Variants in PPP2R1A observed in about 807,000 individuals in gnomAD.
PPP2R1A encodes the protein serine/threonine-protein phosphatase 2A 65 kDa regulatory subunit A alpha isoform.
Under a neutral mutation model 67.1 loss-of-function variants are expected in PPP2R1A, and 15 were observed. The observed-to-expected ratio is 0.22, with a 90% CI of 0.15 to 0.34. PPP2R1A has a LOEUF of 0.34. Ranked by LOEUF, PPP2R1A falls within the 10% of genes least tolerant of loss-of-function variation. PPP2R1A has a pLI of 1.00. For missense variants in PPP2R1A, 369 were observed against 775.0 expected (o/e 0.48, Z 6.22); for synonymous variants, 337 against 325.0 (o/e 1.04, Z -0.40).
At position 52,212,691 on chromosome 19, in the gene PPP2R1A, TC is replaced by T; in HGVS notation, c.511del (p.Arg171GlyfsTer59). ...SAVKAELRQY[F>X]RNLCSDDTPM... is the part of the protein sequence containing the mutation. ...TCCCCGTCCCCGACTCCCAGGTACTTCCGGAACCTGTGCTCAGATGACACCC... is the reference window on the plus strand; with the variant it reads ...TCCCCGTCCCCGACTCCCAGGTACTTCGGAACCTGTGCTCAGATGACACCC... On this transcript the variant is annotated frameshift_variant, in exon 5 of 15. Coordinates refer to ENST00000322088, the MANE Select transcript of PPP2R1A (RefSeq NM_014225.6). LOFTEE classifies it high-confidence loss of function. This position sits in a 1 kb window ranked among gnomAD's most constrained non-coding sequence, Gnocchi z 4.1. 1 of 1,613,430 alleles carries T rather than the reference TC, an allele frequency of 6.2e-7. No individual in the cohort carries two copies.
chr19:52,225,476 ATCT>A (rs1413205531), intron 13 of PPP2R1A, among the ~76,000 whole-genome samples: 3 of 152,162 alleles, frequency 2.0e-5, no homozygotes, highest in East Asian at 3.8e-4. Context: ...AACATTCAAA[ATCT>A]TCTCTTATAG....
intron 1 of PPP2R1A, among the ~76,000 whole-genome samples, chr19:52,196,491 T>G (rs1422624459): frequency 1.3e-5 from 2 of 152,156 alleles, no homozygotes; most frequent in African/African-American, 4.8e-5. Context: ...AGAGGCCAGC[T>G]TAGGACACAG....
chr19:52,204,920 G>A (rs1250439837), intron 2 of PPP2R1A, among the ~76,000 whole-genome samples: 1 of 152,216 alleles, frequency 6.6e-6, no homozygotes, highest in Non-Finnish European at 1.5e-5. Context: ...TCAGAGAGAT[G>A]AAGTGAGCTG....
rs2122267600 is a variant in PPP2R1A, at chr19:52,190,109, G to A, written c.13G>A (p.Asp5Asn). MAAA[D>N]GDDSLYPIAV... is the part of the protein sequence containing the mutation. ...GGACGGAGCCAAGATGGCGGCGGCC[G>A]ACGGCGACGACTCGCTGTACCCCAT... The change falls in exon 1 of 15, where the codon GAC becomes AAC. Residue 5 changes from aspartate (D) to asparagine (N), a missense_variant. Coordinates refer to ENST00000322088, the MANE Select transcript of PPP2R1A (RefSeq NM_014225.6). The A allele has an allele frequency of 6.5e-7, 1 of 1,549,720 alleles. No homozygotes were observed. The highest frequency in any genetic ancestry group is 1.2e-5 in the South Asian group (1 of 84,018).
chr19:52,214,258 T>A (rs1288827573), intron 6 of PPP2R1A, among the ~76,000 whole-genome samples: 3 of 151,716 alleles, frequency 2.0e-5, no homozygotes, highest in African/African-American at 7.3e-5. Context: ...CAGGGTGGGA[T>A]CGGAGAGAGG....
At position 52,227,649 on chromosome 19, in the gene PPP2R1A, C is replaced by A. The variant is rs935256520; in HGVS notation, c.*1668C>A. ...GACAAGGTGATTTCACCAGCTCAGCCTTCATATTACCACATCCCTACCCTT... is the reference window on the plus strand; with the variant it reads ...GACAAGGTGATTTCACCAGCTCAGCATTCATATTACCACATCCCTACCCTT... On this transcript the variant is annotated 3_prime_UTR_variant, in exon 15 of 15. Transcript: ENST00000322088. The A allele has an allele frequency of 6.6e-6, 1 of 152,130 alleles. No homozygotes were observed. The highest frequency in any genetic ancestry group is 2.4e-5 in the African/African-American group (1 of 41,398). 9.4% of individuals were successfully genotyped at this position (152,130 alleles called of 1,614,324 possible).
chr19:52,200,822 C>T (rs929587091), intron 1 of PPP2R1A, among the ~76,000 whole-genome samples: 11 of 152,262 alleles, frequency 7.2e-5, no homozygotes, highest in African/African-American at 2.7e-4. Flanking sequence ...CTGTATCTGT[C>T]TTCCTTTCTG....
Position 52,211,995 on chromosome 19 carries a change from C to G in PPP2R1A, c.503+503C>G, listed in dbSNP as rs1250956790. Among the ~76,000 whole-genome samples the G allele has an allele frequency of 6.6e-6, 1 of 152,324 alleles. No individual in the cohort carries two copies. ...GGCTGTACACTTGCTTAGATACTTACACTGGCCCCCACCGCCTTTGATCGA... is the reference window on the plus strand; with the variant it reads ...GGCTGTACACTTGCTTAGATACTTAGACTGGCCCCCACCGCCTTTGATCGA... On this transcript the variant is annotated intron_variant, in intron 4 of 14. Coordinates refer to ENST00000322088, the MANE Select transcript of PPP2R1A (RefSeq NM_014225.6). This position sits in a 1 kb window ranked among gnomAD's most constrained non-coding sequence, Gnocchi z 5.3.
In PPP2R1A at chr19:52,212,447, A is replaced by G. The variant is rs1042021470; in HGVS notation, c.504-239A>G. 9.1e-6 allele frequency: 5 copies of G among 546,892 alleles called. No homozygotes were observed. The highest frequency in any genetic ancestry group is 5.8e-5 in the African/African-American group (3 of 51,934). The allele number at this position is 546,892 out of a possible 1,614,324, so 33.9% of individuals were successfully genotyped here. ...TCAGCACTTAGCATTGACTAGATTT[A>G]TTATGCGCAATCTGCGAAGTGTCTC... On this transcript the variant is annotated intron_variant, in intron 4 of 14. Transcript: ENST00000322088. This position sits in a 1 kb window ranked among gnomAD's most constrained non-coding sequence, Gnocchi z 4.1.
rs149542408 is a variant in PPP2R1A at position 52,226,354 on chromosome 19, G to A, written c.*373G>A. 5.5e-6 allele frequency: 2 copies of A among 366,304 alleles called. No individual in the cohort carries two copies. Among genetic ancestry groups the A allele is most frequent in the Middle Eastern group, 7.4e-4 (1 of 1,352 alleles). 22.7% of individuals were successfully genotyped at this position (366,304 alleles called of 1,614,324 possible). A position where few individuals can be genotyped will look rare whatever the true frequency, so the allele number is the denominator to read the frequency against. On this transcript the variant is annotated 3_prime_UTR_variant, in exon 15 of 15. Transcript: ENST00000322088. ...ATTGGTTTTTTTTTGTGTGTCAACT[G>A]TGCCGTTTTTATTTTATTCCTTTTA... is the stretch of plus-strand genomic sequence containing the variant.
chr19:52,210,866 C>T (rs1488478006), intron 3 of PPP2R1A, among the ~76,000 whole-genome samples: 1 of 152,164 alleles, frequency 6.6e-6, no homozygotes, highest in Non-Finnish European at 1.5e-5. Flanking sequence ...TGGTACAACA[C>T]GGAGGTCCTG....
At chr19:52,190,428 G>T in intron 1 of PPP2R1A, 1 of 561,988 alleles carries the variant, frequency 1.8e-6, no homozygotes, top group South Asian at 2.0e-5. Flanking sequence ...GGCGGTCCGC[G>T]GTCCTGGGAG....
Position 52,210,963 on chromosome 19 carries a change from G to A in PPP2R1A, c.271-297G>A, listed in dbSNP as rs192888945. Among the ~76,000 whole-genome samples, 167 of 152,290 alleles carry A rather than the reference G, an allele frequency of 1.1e-3. 1 individual carries two copies. Among genetic ancestry groups the A allele is most frequent in the Non-Finnish European group, 1.8e-3 (122 of 68,036 alleles). ...AGGCTAAGAACTTTCTCCTCAGAAA[G>A]CAACGTGTGTAATTTTAAGGTTTAT... On this transcript the variant is annotated intron_variant, in intron 3 of 14. Coordinates refer to ENST00000322088, the MANE Select transcript of PPP2R1A (RefSeq NM_014225.6).
intron 2 of PPP2R1A, among the ~76,000 whole-genome samples, chr19:52,204,664 CAG>C (rs146150577): frequency 1.8e-3 from 272 of 152,234 alleles, no homozygotes; most frequent in Non-Finnish European, 3.3e-3. Flanking sequence ...ACAAAGAAAA[CAG>C]GGAGGGTGGT....
Position 52,226,003 on chromosome 19 carries a change from T to C in PPP2R1A, c.*22T>C. 6.2e-7 allele frequency: 1 copy of C among 1,614,186 alleles called. No individual in the cohort carries two copies. The highest frequency in any genetic ancestry group is 8.5e-7 in the Non-Finnish European group (1 of 1,180,018). Reference sequence around the variant, plus strand: ...CTGATGCTGGAAGAGGAGCAAACACTGGCCTCTGGTGTCCACCCTCCAACC... The same window carrying C: ...CTGATGCTGGAAGAGGAGCAAACACCGGCCTCTGGTGTCCACCCTCCAACC... On this transcript the variant is annotated 3_prime_UTR_variant, in exon 15 of 15. Coordinates refer to ENST00000322088, the MANE Select transcript of PPP2R1A (RefSeq NM_014225.6).
intron 2 of PPP2R1A, 50 bp downstream of exon 2, chr19:52,202,084 G>C (rs922009245): frequency 6.8e-7 from 1 of 1,474,744 alleles, no homozygotes; most frequent in Non-Finnish European, 9.5e-7. Flanking sequence ...TTGGGAGGTG[G>C]TTTTCACTAT....
chr19:52,225,916 G>A lies in PPP2R1A; in HGVS notation c.1754-49G>A, dbSNP rs1229406050. 5.0e-6 allele frequency: 8 copies of A among 1,614,060 alleles called. No homozygotes were observed. In the African/African-American group the frequency reaches 6.7e-5, roughly 13 times the overall value. Reference sequence around the variant, plus strand: ...AGGGGGAGGTACCTTGGCATTGTGGGCAGAGAGAGGGCTCTGGTTCTGATT... The same window carrying A: ...AGGGGGAGGTACCTTGGCATTGTGGACAGAGAGAGGGCTCTGGTTCTGATT... On this transcript the variant is annotated intron_variant, in intron 14 of 14. Transcript: ENST00000322088.
rs758740333 is a variant in PPP2R1A at position 52,222,160 on chromosome 19, G to A, written c.1580G>A (p.Arg527His). The A allele has an allele frequency of 5.6e-6, 9 of 1,614,174 alleles. No individual in the cohort carries two copies. Among genetic ancestry groups the A allele is most frequent in the South Asian group, 2.2e-5 (2 of 91,076 alleles). Reference sequence around the variant, plus strand: ...AAGCACATGCTACCCACGGTTCTGCGCATGGCTGGGGACCCGGTTGCCAAT... The same window carrying A: ...AAGCACATGCTACCCACGGTTCTGCACATGGCTGGGGACCCGGTTGCCAAT... Reference protein sequence around the residue: ...TTKHMLPTVLRMAGDPVANVR... With the variant: ...TTKHMLPTVLHMAGDPVANVR... The change falls in exon 13 of 15, where the codon CGC (arginine) becomes CAC (histidine). Residue 527 changes from arginine (R) to histidine (H), a missense_variant. Coordinates refer to ENST00000322088, the MANE Select transcript of PPP2R1A (RefSeq NM_014225.6).
At position 52,228,307 on chromosome 19, in the gene PPP2R1A, G is replaced by C. The variant is rs746521884; in HGVS notation, c.*2326G>C. The C allele has an allele frequency of 6.6e-6, 1 of 152,230 alleles. No individual in the cohort carries two copies. Among genetic ancestry groups the C allele is most frequent in the Non-Finnish European group, 1.5e-5 (1 of 68,056 alleles). 9.4% of individuals were successfully genotyped at this position (152,230 alleles called of 1,614,324 possible). On this transcript the variant is annotated 3_prime_UTR_variant, in exon 15 of 15. Coordinates refer to ENST00000322088, the MANE Select transcript of PPP2R1A (RefSeq NM_014225.6). Reference sequence around the variant, plus strand: ...GAGAGACGAGGGTGAAGGATAGCTTGAGTTATTGAACGCTGGCAGAGTCCT... The same window carrying C: ...GAGAGACGAGGGTGAAGGATAGCTTCAGTTATTGAACGCTGGCAGAGTCCT...
Sources: gnomAD v4.1 joint callset for allele counts (sites outside exome capture counted in the v4.1 genomes callset) on GRCh38, gnomAD v4.1.1 for gene constraint, Gnocchi (gnomAD v3.1) non-coding constraint, MANE v1.5 for transcripts, NCBI Gene and HGNC (gene_info 2026-07-23, HGNC 2026-07-21) for gene names.